Variants in TTLL2 observed in about 807,000 individuals in gnomAD.
The protein encoded by TTLL2 is probable tubulin polyglutamylase TTLL2.
In TTLL2, 10 loss-of-function variants were observed where a neutral mutation model predicts 7.5. The ratio of observed to expected loss-of-function variants is 1.33; its 90% CI spans 0.82 to 2.25. TTLL2 has a LOEUF of 2.25. Ranked by LOEUF, TTLL2 falls within the 30% of genes most tolerant of loss-of-function variation. The probability of loss-of-function intolerance (pLI) is 0.00; values close to 1 mark genes in which losing one functional copy is unlikely to be tolerated. For synonymous variants in TTLL2, 284 were observed against 280.3 expected (o/e 1.01, Z -0.13); for missense variants, 733 against 735.7 (o/e 1.00, Z 0.04).
chr6:167,338,937 T>C, intron 2 of TTLL2, 134 bp downstream of exon 2: 1 of 908,164 alleles, frequency 1.1e-6, no homozygotes, highest in Non-Finnish European at 1.6e-6. Flanking sequence ...TCTCCTTCCT[T>C]CCCTTCCTCC....
Position 167,341,064 on chromosome 6 carries a change from C to T in TTLL2, c.1164C>T (p.Asn388=). The change falls in exon 3 of 3, where the codon AAC becomes AAT. Residue 388 remains asparagine, a synonymous_variant. Coordinates refer to ENST00000239587, the MANE Select transcript of TTLL2 (RefSeq NM_031949.5). ...DNLKPWLLEV[N]YSPALTLDCS... ...TGAAACCATGGCTTTTAGAGGTCAA[C>T]TACAGCCCAGCCTTGACCTTGGATT... 2 of 1,613,952 alleles carry T rather than the reference C, an allele frequency of 1.2e-6. No individual in the cohort carries two copies. Among genetic ancestry groups the T allele is most frequent in the Non-Finnish European group, 1.7e-6 (2 of 1,180,004 alleles).
chr6:167,340,614 A>C lies in TTLL2; in HGVS notation c.714A>C (p.Ile238=), dbSNP rs763598186. ...ACTTCATCTTTGATGATATGTACAT[A>C]GTGCAGAAATATATCTCCAATCCTT... ...FKDFIFDDMY[I]VQKYISNPLL... is the part of the protein sequence containing the mutation. The change falls in exon 3 of 3, where the codon ATA becomes ATC. Residue 238 remains isoleucine, a synonymous_variant. Transcript: ENST00000239587. 1 of 1,614,218 alleles carries C rather than the reference A, an allele frequency of 6.2e-7. No individual in the cohort carries two copies. The highest frequency in any genetic ancestry group is 8.5e-7 in the Non-Finnish European group (1 of 1,180,040).
intron 1 of TTLL2, among the ~76,000 whole-genome samples, chr6:167,337,227 C>T (rs1393351290): frequency 6.6e-6 from 1 of 152,218 alleles, no homozygotes; most frequent in East Asian, 1.9e-4. Flanking sequence ...GTATGCATTG[C>T]TCTCTGGAGG....
chr6:167,341,968 G>T lies in TTLL2; in HGVS notation c.*289G>T. ...CCAGTAATTGAATGTGCTACACTACGATTATGCTATGTATGTATTTAAAGA... is the reference window on the plus strand; with the variant it reads ...CCAGTAATTGAATGTGCTACACTACTATTATGCTATGTATGTATTTAAAGA... On this transcript the variant is annotated 3_prime_UTR_variant, in exon 3 of 3. Coordinates refer to ENST00000239587, the MANE Select transcript of TTLL2 (RefSeq NM_031949.5). 1 of 346,624 alleles carries T rather than the reference G, an allele frequency of 2.9e-6. No homozygotes were observed. The highest frequency in any genetic ancestry group is 5.2e-6 in the Non-Finnish European group (1 of 192,176). The allele number at this position is 346,624 out of a possible 1,614,324, so 21.5% of individuals were successfully genotyped here. A position where few individuals can be genotyped will look rare whatever the true frequency, so the allele number is the denominator to read the frequency against.
At chr6:167,331,768 C>T (rs920330812) in intron 1 of TTLL2, among the ~76,000 whole-genome samples, 3 of 152,180 alleles carry the variant, frequency 2.0e-5, no homozygotes, top group African/African-American at 7.2e-5. Context: ...ACTTCAACCA[C>T]TCATACACTG....
chr6:167,341,815 C>A lies in TTLL2; in HGVS notation c.*136C>A. 1.1e-6 allele frequency: 1 copy of A among 942,076 alleles called. No individual in the cohort carries two copies. The highest frequency in any genetic ancestry group is 1.5e-6 in the Non-Finnish European group (1 of 651,974). 58.4% of individuals were successfully genotyped at this position (942,076 alleles called of 1,614,324 possible). A position where few individuals can be genotyped will look rare whatever the true frequency, so the allele number is the denominator to read the frequency against. ...TATGACATTGGGACTGAAGATGTGG[C>A]CATATGTATAAATATAACAGCTCTG... On this transcript the variant is annotated 3_prime_UTR_variant, in exon 3 of 3. Coordinates refer to ENST00000239587, the MANE Select transcript of TTLL2 (RefSeq NM_031949.5).
intron 1 of TTLL2, among the ~76,000 whole-genome samples, chr6:167,333,730 A>T: frequency 2.6e-5 from 1 of 37,878 alleles, no homozygotes; most frequent in Non-Finnish European, 4.6e-5. Context: ...TTATTTGCGT[A>T]GAGGTGTTTG....
intron 1 of TTLL2, among the ~76,000 whole-genome samples, chr6:167,338,045 C>G (rs928153733): frequency 6.6e-6 from 1 of 151,640 alleles, no homozygotes; most frequent in Admixed American, 6.6e-5. Flanking sequence ...CAATACAACA[C>G]ACACTCATAC....
At chr6:167,327,030 G>A (rs1469026640) in intron 1 of TTLL2, among the ~76,000 whole-genome samples, 1 of 152,074 alleles carries the variant, frequency 6.6e-6, no homozygotes, top group Non-Finnish European at 1.5e-5. Context: ...AGTAGGTATT[G>A]GGGGAAAGAG....
chr6:167,339,483 A>C (rs1321567032), intron 2 of TTLL2, among the ~76,000 whole-genome samples: 6 of 152,194 alleles, frequency 3.9e-5, no homozygotes, highest in Non-Finnish European at 8.8e-5. Context: ...ATAGGTTTTA[A>C]AAACTTAAGT....
intron 2 of TTLL2, among the ~76,000 whole-genome samples, chr6:167,339,880 C>T (rs1186883972): frequency 6.6e-6 from 1 of 152,148 alleles, no homozygotes; most frequent in South Asian, 2.1e-4. Context: ...AGGGCAAAAT[C>T]GGAAGAAAGA....
In TTLL2 at chr6:167,325,178, G is replaced by A. The variant is rs750841594; in HGVS notation, c.5G>A (p.Arg2Lys). M[R>K]GRDLCSSTQS... is the part of the protein sequence containing the mutation. ...CACCCTCGGAACCAGCGCCCAATGA[G>A]AGGGCGGGACCTGTGTTCCTCCACA... The change falls in exon 1 of 3, where the codon AGA (arginine) becomes AAA (lysine). Residue 2 changes from arginine (R) to lysine (K), a missense_variant. By Grantham distance (26) the Arg-to-Lys change is conservative. Coordinates refer to ENST00000239587, the MANE Select transcript of TTLL2 (RefSeq NM_031949.5). The A allele has an allele frequency of 1.9e-6, 3 of 1,579,280 alleles. No homozygotes were observed. Among genetic ancestry groups the A allele is most frequent in the Non-Finnish European group, 2.6e-6 (3 of 1,163,382 alleles).
intron 1 of TTLL2, among the ~76,000 whole-genome samples, chr6:167,330,139 C>A (rs1778900423): frequency 6.6e-6 from 1 of 152,178 alleles, no homozygotes; most frequent in African/African-American, 2.4e-5. Context: ...AATCTCCTGG[C>A]TTCCGACCTA....
rs186972162 is a variant in TTLL2, at chr6:167,327,046, A to G, written c.47+1826A>G. On this transcript the variant is annotated intron_variant, in intron 1 of 2. Coordinates refer to ENST00000239587, the MANE Select transcript of TTLL2 (RefSeq NM_031949.5). ...GTAGGTATTGGGGGAAAGAGGAAGG[A>G]AAAAAAAAGGAGGGTCTGTAAGAGG... 3.7e-4 allele frequency among the ~76,000 whole-genome samples: 56 copies of G among 151,752 alleles called. No homozygotes were observed. In the East Asian group the frequency reaches 0.01, roughly 27 times the overall value.
Position 167,325,224 on chromosome 6 carries a change from A to G in TTLL2, c.47+4A>G. 6.4e-7 allele frequency: 1 copy of G among 1,567,936 alleles called. No homozygotes were observed. Among genetic ancestry groups the G allele is most frequent in the Non-Finnish European group, 8.6e-7 (1 of 1,157,064 alleles). On this transcript the variant is annotated splice_donor_region_variant and intron_variant, in intron 1 of 2. Coordinates refer to ENST00000239587, the MANE Select transcript of TTLL2 (RefSeq NM_031949.5). The stretch of plus-strand genomic sequence containing the variant: ...CCACACAAAGCCAGGCGCTGGGGTA[A>G]GCGTAGGAGGCGACACGTAGGATGG...
chr6:167,327,286 G>T (rs748386079), intron 1 of TTLL2, among the ~76,000 whole-genome samples: 1 of 152,258 alleles, frequency 6.6e-6, no homozygotes, highest in African/African-American at 2.4e-5. Context: ...CCTTTGTCCC[G>T]TGCCTGTGAA....
At position 167,340,285 on chromosome 6, in the gene TTLL2, T is replaced by C; in HGVS notation, c.385T>C (p.Ser129Pro). 6.2e-7 allele frequency: 1 copy of C among 1,614,106 alleles called. No individual in the cohort carries two copies. The highest frequency in any genetic ancestry group is 8.5e-7 in the Non-Finnish European group (1 of 1,180,006). The change falls in exon 3 of 3, where the codon TCT becomes CCT. Residue 129 changes from serine (S) to proline (P), a missense_variant. Coordinates refer to ENST00000239587, the MANE Select transcript of TTLL2 (RefSeq NM_031949.5). ...EDWNLYWRTS[S>P]FRMTEHNSVK... ...CTGGAACCTGTACTGGAGGACATCC[T>C]CTTTCCGAATGACCGAACACAACAG...
Position 167,341,411 on chromosome 6 carries a change from T to G in TTLL2, c.1511T>G (p.Met504Arg), listed in dbSNP as rs150619429. Reference sequence around the variant, plus strand: ...GATTTTCATCTGTCAACAAGGGAGATGCCACAAAGCAAGCCCAAGTTACGG... The same window carrying G: ...GATTTTCATCTGTCAACAAGGGAGAGGCCACAAAGCAAGCCCAAGTTACGG... ...GQDFHLSTRE[M>R]PQSKPKLRSR... The change falls in exon 3 of 3, where the codon ATG (methionine) becomes AGG (arginine). Residue 504 changes from methionine (M) to arginine (R), a missense_variant. Physicochemically the swap from Met to Arg is moderately conservative, Grantham distance 91. Coordinates refer to ENST00000239587, the MANE Select transcript of TTLL2 (RefSeq NM_031949.5). The G allele has an allele frequency of 6.2e-7, 1 of 1,613,712 alleles. No individual in the cohort carries two copies. Among genetic ancestry groups the G allele is most frequent in the African/African-American group, 1.3e-5 (1 of 74,750 alleles).
rs1779030136 is a variant in TTLL2 at position 167,338,840 on chromosome 6, C to CTTCCTTCCTTCCTTCCTTCCTTCA, written c.204+60_204+61insATTCCTTCCTTCCTTCCTTCCTTC. 16 of 1,412,314 alleles carry CTTCCTTCCTTCCTTCCTTCCTTCA rather than the reference C, an allele frequency of 1.1e-5. No homozygotes were observed. The East Asian group carries it at 4.1e-4, about 37-fold the overall frequency. The allele number at this position is 1,412,314 out of a possible 1,614,324, so 87.5% of individuals were successfully genotyped here. A position where few individuals can be genotyped will look rare whatever the true frequency, so the allele number is the denominator to read the frequency against. Reference sequence around the variant, plus strand: ...AGCCAGGTAGTTCCTTCCTTCCTTCCTTCCTTCCTTCCTTCCTTCCTTCCT... The same window carrying CTTCCTTCCTTCCTTCCTTCCTTCA: ...AGCCAGGTAGTTCCTTCCTTCCTTCCTTCCTTCCTTCCTTCCTTCCTTCATTCCTTCCTTCCTTCCTTCCTTCCT... On this transcript the variant is annotated intron_variant, in intron 2 of 2. Transcript: ENST00000239587.
Sources: gnomAD v4.1 joint callset for allele counts (sites outside exome capture counted in the v4.1 genomes callset) on GRCh38, gnomAD v4.1.1 for gene constraint, MANE v1.5 for transcripts, NCBI Gene and HGNC (gene_info 2026-07-23, HGNC 2026-07-21) for gene names.